SPAG16: variants seen among roughly 807,000 people sequenced by gnomAD.
SPAG16 encodes sperm associated antigen 16.
A neutral mutation model predicts 80.4 loss-of-function variants in SPAG16; 86 were observed. The ratio of observed to expected loss-of-function variants is 1.07; its 90% CI spans 0.90 to 1.28. The LOEUF is 1.28. Among genes scored for constraint, SPAG16 ranks in the 50% most tolerant of loss-of-function variants. The probability of loss-of-function intolerance (pLI) is 0.00; values close to 1 mark genes in which losing one functional copy is unlikely to be tolerated. For synonymous variants in SPAG16, 294 were observed against 265.9 expected, an observed-to-expected ratio of 1.11 and a Z score of -1.03; for missense variants, 870 against 765.3, an observed-to-expected ratio of 1.14 and a Z score of -1.61.
intron 10 of SPAG16, among the ~76,000 whole-genome samples, chr2:213,777,546 C>T (rs908165800): frequency 6.6e-6 from 1 of 152,132 alleles, no homozygotes; most frequent in Admixed American, 6.5e-5. Flanking sequence ...AGCTGGATTA[C>T]AGGCGCCCGC....
At chr2:213,860,442 GA>G (rs1559529371) in intron 10 of SPAG16, among the ~76,000 whole-genome samples, 9 of 108,206 alleles carry the variant, frequency 8.3e-5, no homozygotes, top group Middle Eastern at 4.8e-3. Flanking sequence ...TATATTTATA[GA>G]TATATGTATA....
chr2:213,289,008 T>A (rs1220587765), intron 1 of SPAG16, among the ~76,000 whole-genome samples: 1 of 152,222 alleles, frequency 6.6e-6, no homozygotes, highest in African/African-American at 2.4e-5. Flanking sequence ...CATAGGCTAT[T>A]TGGAGAGAAA....
intron 15 of SPAG16, among the ~76,000 whole-genome samples, chr2:214,288,075 C>A (rs903059888): frequency 6.6e-6 from 1 of 152,084 alleles, no homozygotes; most frequent in Admixed American, 6.6e-5. Flanking sequence ...ACCGCCCCCC[C>A]CAATCCCACC....
In SPAG16 at chr2:214,246,026, A is replaced by C. The variant is rs1337102669; in HGVS notation, c.1720+96760A>C. On this transcript the variant is annotated intron_variant, in intron 15 of 15. Coordinates refer to ENST00000331683, the MANE Select transcript of SPAG16 (RefSeq NM_024532.5). ...ATTGTATGGGTATTGCAGATTTTCC[A>C]TACCTGGTAGTCATTTGGTATGCTT... Among the ~76,000 whole-genome samples, 6 of 152,134 alleles carry C rather than the reference A, an allele frequency of 3.9e-5. No homozygotes were observed. The East Asian group carries it at 1.2e-3, about 29-fold the overall frequency.
intron 10 of SPAG16, among the ~76,000 whole-genome samples, chr2:213,736,765 C>T (rs553873471): frequency 1.7e-4 from 25 of 148,882 alleles, no homozygotes; most frequent in African/African-American, 5.9e-4. Context: ...AGTGCAATGG[C>T]GAGATCTCGG....
At chr2:213,829,413 C>G (rs2125712767) in intron 10 of SPAG16, among the ~76,000 whole-genome samples, 1 of 152,112 alleles carries the variant, frequency 6.6e-6, no homozygotes, top group Admixed American at 6.5e-5. Context: ...CCCTGTTGCC[C>G]CTGGTAGGCC....
intron 15 of SPAG16, among the ~76,000 whole-genome samples, chr2:214,169,850 G>A (rs1267498949): frequency 6.6e-6 from 1 of 151,876 alleles, no homozygotes; most frequent in African/African-American, 2.4e-5. Context: ...TAATTATCCT[G>A]GGGATAAAAA....
In SPAG16 at chr2:213,487,790, A is replaced by G. The variant is rs540715183; in HGVS notation, c.943-2173A>G. On this transcript the variant is annotated intron_variant, in intron 9 of 15. Coordinates refer to ENST00000331683, the MANE Select transcript of SPAG16 (RefSeq NM_024532.5). ...ATTTTCATGAAGTTCAAACAACTAT[A>G]TAAGACTGGATTTGGATCCATCTTG... is the stretch of plus-strand genomic sequence containing the variant. Among the ~76,000 whole-genome samples the G allele has an allele frequency of 4.6e-5, 7 of 152,228 alleles. No individual in the cohort carries two copies. In the South Asian group the frequency reaches 1.4e-3, roughly 32 times the overall value.
intron 11 of SPAG16, among the ~76,000 whole-genome samples, chr2:213,874,403 CTAT>C (rs1358857981): frequency 4.6e-5 from 7 of 152,026 alleles, no homozygotes; most frequent in African/African-American, 1.7e-4. Flanking sequence ...AAATTTTTCT[CTAT>C]TTTTTATTTT....
At chr2:213,992,959 AG>A (rs1360250847) in intron 12 of SPAG16, among the ~76,000 whole-genome samples, 1 of 152,204 alleles carries the variant, frequency 6.6e-6, no homozygotes, top group East Asian at 1.9e-4. Context: ...TATCTGAAGG[AG>A]GGTGGTCATA....
chr2:214,229,565 A>G (rs1688548421), intron 15 of SPAG16, among the ~76,000 whole-genome samples: 1 of 151,776 alleles, frequency 6.6e-6, no homozygotes, highest in African/African-American at 2.4e-5. Context: ...TTTTCAATTG[A>G]GTTTTCTTAT....
chr2:214,239,384 T>C (rs899815565), intron 15 of SPAG16: 1 of 152,168 alleles, frequency 6.6e-6, no homozygotes, highest in Non-Finnish European at 1.5e-5. Context: ...ACCACAGATC[T>C]CTAGAACTTT....
At chr2:213,384,692 G>A (rs543526333) in intron 9 of SPAG16, among the ~76,000 whole-genome samples, 6 of 152,180 alleles carry the variant, frequency 3.9e-5, no homozygotes, top group African/African-American at 1.2e-4. Flanking sequence ...GAAGTTCTGT[G>A]TGTGAAAACT....
chr2:214,083,752 G>C (rs1347208514), intron 13 of SPAG16, among the ~76,000 whole-genome samples: 1 of 152,054 alleles, frequency 6.6e-6, no homozygotes, highest in Non-Finnish European at 1.5e-5. Flanking sequence ...TGTTGCATGA[G>C]GCTGACGTTT....
intron 7 of SPAG16, among the ~76,000 whole-genome samples, chr2:213,354,447 T>G (rs2065514487): frequency 1.3e-5 from 2 of 152,196 alleles, no homozygotes; most frequent in South Asian, 4.1e-4. Context: ...TTCTAGATCC[T>G]TGAGGAATCA....
intron 10 of SPAG16, among the ~76,000 whole-genome samples, chr2:213,739,640 C>T (rs1469195997): frequency 3.3e-5 from 5 of 152,156 alleles, no homozygotes; most frequent in Non-Finnish European, 7.3e-5. Context: ...CTTGCTTTGT[C>T]GCCCAGGCTG....
intron 9 of SPAG16, among the ~76,000 whole-genome samples, chr2:213,451,780 CCT>C (rs1418199406): frequency 6.6e-6 from 1 of 152,054 alleles, no homozygotes; most frequent in Non-Finnish European, 1.5e-5. Context: ...GAGGGCAGAG[CCT>C]CTAGTAGTCC....
chr2:213,355,626 A>G (rs928398775), intron 7 of SPAG16, among the ~76,000 whole-genome samples: 1 of 152,146 alleles, frequency 6.6e-6, no homozygotes, highest in African/African-American at 2.4e-5. Context: ...CTTTGAAGCA[A>G]TTGTGAATGG....
intron 15 of SPAG16, among the ~76,000 whole-genome samples, chr2:214,337,794 A>AACTC (rs1160624943): frequency 2.0e-5 from 3 of 152,288 alleles, no homozygotes; most frequent in Admixed American, 1.3e-4. Flanking sequence ...CAAACCCTAA[A>AACTC]ACTCAGGGCT....
Sources: gnomAD v4.1 joint callset for allele counts (sites outside exome capture counted in the v4.1 genomes callset) on GRCh38, gnomAD v4.1.1 for gene constraint, MANE v1.5 for transcripts, NCBI Gene and HGNC (gene_info 2026-07-23, HGNC 2026-07-21) for gene names.